The following LMTK2 variants were observed in gnomAD, a reference collection of about 807,000 sequenced individuals.
The protein encoded by LMTK2 is lemur tail kinase 2, also known as serine/threonine-protein kinase LMTK2.
In LMTK2, 37 loss-of-function variants were observed where a neutral mutation model predicts 127.5. The ratio of observed to expected loss-of-function variants is 0.29; its 90% CI spans 0.22 to 0.38. The LOEUF is 0.38. Among genes scored for constraint, LMTK2 ranks in the 10% least tolerant of loss-of-function variants. The probability of loss-of-function intolerance (pLI) is 1.00; values close to 1 mark genes in which losing one functional copy is unlikely to be tolerated. For missense variants in LMTK2, 1,694 were observed against 1,920.3 expected (o/e 0.88, Z 2.20); for synonymous variants, 819 against 810.1 (o/e 1.01, Z -0.19).
intron 1 of LMTK2, among the ~76,000 whole-genome samples, chr7:98,107,541 C>G (rs1796130903): frequency 1.3e-5 from 2 of 152,226 alleles, no homozygotes; most frequent in South Asian, 4.1e-4. Context: ...GCTGCGGTGC[C>G]GGCCCTGGAC....
intron 11 of LMTK2, among the ~76,000 whole-genome samples, chr7:98,198,258 T>C (rs1797658008): frequency 2.6e-5 from 4 of 151,696 alleles, no homozygotes; most frequent in Admixed American, 6.6e-5. Flanking sequence ...TGGCGTGATA[T>C]CGGCTCACTG....
In LMTK2 at chr7:98,145,361, T is replaced by G. The variant is rs562110908; in HGVS notation, c.376+3820T>G. ...AATTTTAATATAGTAAATTTTACAG[T>G]TTTTTTTAGAGTATGAAATTTAAGC... On this transcript the variant is annotated intron_variant, in intron 3 of 13. Coordinates refer to ENST00000297293, the MANE Select transcript of LMTK2 (RefSeq NM_014916.4). Among the ~76,000 whole-genome samples, 36 of 152,060 alleles carry G rather than the reference T, an allele frequency of 2.4e-4. No individual in the cohort carries two copies. The South Asian group carries it at 2.5e-3, about 11-fold the overall frequency.
intron 3 of LMTK2, among the ~76,000 whole-genome samples, chr7:98,145,286 A>C (rs1196103949): frequency 1.3e-5 from 2 of 152,128 alleles, no homozygotes; most frequent in Non-Finnish European, 2.9e-5. Context: ...CTAAAAAAAA[A>C]AAAAATCAAT....
chr7:98,108,418 G>A (rs757695441), intron 1 of LMTK2, among the ~76,000 whole-genome samples: 1 of 152,162 alleles, frequency 6.6e-6, no homozygotes, highest in African/African-American at 2.4e-5. Context: ...ACAAATCTAC[G>A]ATGAAAGCTA....
Position 98,191,963 on chromosome 7 carries a change from T to C in LMTK2, c.1498T>C (p.Tyr500His). The C allele has an allele frequency of 6.2e-7, 1 of 1,614,120 alleles. No individual in the cohort carries two copies. Among genetic ancestry groups the C allele is most frequent in the Non-Finnish European group, 8.5e-7 (1 of 1,179,988 alleles). ...SRGHLDEGLS[Y>H]TSIFYPVEVF... ...GGGCCACCTGGACGAAGGCTTGTCC[T>C]ACACGAGCATCTTCTATCCGGTTGA... The change falls in exon 11 of 14, where the codon TAC becomes CAC. Residue 500 changes from tyrosine (Y) to histidine (H), a missense_variant. Around this residue, in one of 8 missense-constraint regions of LMTK2, gnomAD observed 216 missense variants for 266.8 expected, o/e 0.81. Coordinates refer to ENST00000297293, the MANE Select transcript of LMTK2 (RefSeq NM_014916.4).
At chr7:98,164,300 C>G (rs1428635589) in intron 6 of LMTK2, among the ~76,000 whole-genome samples, 1 of 152,194 alleles carries the variant, frequency 6.6e-6, no homozygotes. Context: ...TTAAGGATCA[C>G]TCACTCAACA....
At chr7:98,160,229 A>G (rs574865584) in intron 6 of LMTK2, among the ~76,000 whole-genome samples, 1 of 152,336 alleles carries the variant, frequency 6.6e-6, no homozygotes, top group East Asian at 1.9e-4. Flanking sequence ...GCATAGAAAA[A>G]TAGGAGTACC....
intron 1 of LMTK2, among the ~76,000 whole-genome samples, chr7:98,131,410 C>G (rs1366173199): frequency 1.3e-5 from 2 of 152,142 alleles, no homozygotes; most frequent in African/African-American, 4.8e-5. Flanking sequence ...CTAGGCTTTT[C>G]TCCCCAAGTG....
At chr7:98,169,550 G>A (rs1015651660) in intron 6 of LMTK2, among the ~76,000 whole-genome samples, 3 of 152,222 alleles carry the variant, frequency 2.0e-5, no homozygotes, top group African/African-American at 7.2e-5. Flanking sequence ...TTTTTCCTTA[G>A]ATGGGTATTG....
At chr7:98,144,246 C>T (rs1227138163) in intron 3 of LMTK2, among the ~76,000 whole-genome samples, 14 of 151,750 alleles carry the variant, frequency 9.2e-5, no homozygotes, top group African/African-American at 2.7e-4. Flanking sequence ...CTGGCTAATA[C>T]GGTGAAACTC....
At chr7:98,202,701 AC>A (rs1438571804) in intron 11 of LMTK2, among the ~76,000 whole-genome samples, 12 of 151,492 alleles carry the variant, frequency 7.9e-5, no homozygotes, top group African/African-American at 2.9e-4. Flanking sequence ...TGTGCCCCGC[AC>A]CCCACCCCGG....
At chr7:98,142,834 A>G (rs1347767142) in intron 3 of LMTK2, among the ~76,000 whole-genome samples, 1 of 152,218 alleles carries the variant, frequency 6.6e-6, no homozygotes, top group Non-Finnish European at 1.5e-5. Flanking sequence ...TTCTCTTTGC[A>G]TATCTGCTGA....
intron 1 of LMTK2, among the ~76,000 whole-genome samples, chr7:98,117,974 C>G (rs531295049): frequency 6.6e-6 from 1 of 152,122 alleles, no homozygotes; most frequent in Admixed American, 6.5e-5. Flanking sequence ...CAAAAAAAAC[C>G]AAACAAACAA....
intron 6 of LMTK2, among the ~76,000 whole-genome samples, chr7:98,168,955 T>C (rs1020742400): frequency 2.6e-5 from 4 of 152,238 alleles, no homozygotes; most frequent in African/African-American, 9.6e-5. Context: ...AAAATAATCA[T>C]GTCTATTCAC....
chr7:98,146,334 A>T (rs1365676635), intron 3 of LMTK2, among the ~76,000 whole-genome samples: 3 of 152,154 alleles, frequency 2.0e-5, no homozygotes, highest in Non-Finnish European at 4.4e-5. Flanking sequence ...AACTGAATGT[A>T]AGTATCAGCC....
chr7:98,203,479 G>T, intron 11 of LMTK2, 95 bp from the exon 12 acceptor site: 1 of 1,444,212 alleles, frequency 6.9e-7, no homozygotes. Flanking sequence ...CTTCTCAGTC[G>T]ATGAGTCTGA....
intron 1 of LMTK2, among the ~76,000 whole-genome samples, chr7:98,112,784 A>G (rs1796221319): frequency 6.6e-6 from 1 of 152,200 alleles, no homozygotes; most frequent in Non-Finnish European, 1.5e-5. Context: ...AAAAGACAAA[A>G]TAATTGTGGA....
At chr7:98,187,619 G>GTTT (rs1554393866) in intron 9 of LMTK2, among the ~76,000 whole-genome samples, 1,844 of 151,056 alleles carry the variant, frequency 0.012, 50 homozygotes, top group African/African-American at 0.042. Flanking sequence ...TGTTGTTGTT[G>GTTT]TTTTGAGATA....
chr7:98,208,388 G>T lies in LMTK2; in HGVS notation c.*2896G>T, dbSNP rs1458425895. On this transcript the variant is annotated 3_prime_UTR_variant, in exon 14 of 14. Transcript: ENST00000297293. ...GCTGTGTTCAGTTCAGGTTTTTGTTGTTTGTTTTGTTATTTTTTAACTAAT... is the reference window on the plus strand; with the variant it reads ...GCTGTGTTCAGTTCAGGTTTTTGTTTTTTGTTTTGTTATTTTTTAACTAAT... 2 of 151,608 alleles carry T rather than the reference G, an allele frequency of 1.3e-5. No homozygotes were observed. Among genetic ancestry groups the T allele is most frequent in the Non-Finnish European group, 3.0e-5 (2 of 67,708 alleles). The allele number at this position is 151,608 out of a possible 1,614,324, so 9.4% of individuals were successfully genotyped here. A position where few individuals can be genotyped will look rare whatever the true frequency, so the allele number is the denominator to read the frequency against.
Sources: allele counts gnomAD v4.1 joint callset (sites outside exome capture counted in the v4.1 genomes callset), GRCh38; gene constraint gnomAD v4.1.1; regional missense constraint gnomAD v4.1.1; transcripts MANE v1.5; gene names NCBI Gene and HGNC (gene_info 2026-07-23, HGNC 2026-07-21).